HS6ST3: variants seen among roughly 807,000 people sequenced by gnomAD.
The protein encoded by HS6ST3 is heparan-sulfate 6-O-sulfotransferase 3.
In HS6ST3, 12 loss-of-function variants were observed where a neutral mutation model predicts 36.7. The ratio of observed to expected loss-of-function variants is 0.33; its 90% CI spans 0.21 to 0.53. HS6ST3 has a LOEUF of 0.53. HS6ST3 is among the 20% of genes least tolerant of loss of function. The pLI is 0.95. For synonymous variants in HS6ST3, 240 were observed against 257.5 expected (o/e 0.93, Z 0.65); for missense variants, 584 against 640.9 (o/e 0.91, Z 0.96).
intron 1 of HS6ST3, among the ~76,000 whole-genome samples, chr13:96,623,187 A>G (rs896657167): frequency 2.0e-5 from 3 of 152,154 alleles, no homozygotes; most frequent in African/African-American, 4.8e-5. Flanking sequence ...GGTGGAAGGC[A>G]GGAATCCCAG....
At chr13:96,116,708 G>A (rs1449539202) in intron 1 of HS6ST3, among the ~76,000 whole-genome samples, 5 of 152,210 alleles carry the variant, frequency 3.3e-5, no homozygotes, top group African/African-American at 9.6e-5. Flanking sequence ...ATAAATTGCA[G>A]TAAATTTCCA....
intron 1 of HS6ST3, among the ~76,000 whole-genome samples, chr13:96,203,822 C>T (rs2054355485): frequency 1.3e-5 from 2 of 152,090 alleles, no homozygotes; most frequent in South Asian, 4.2e-4. Context: ...AAGGAAATAC[C>T]ATTCCGAATT....
At chr13:96,132,959 T>C (rs1300170942) in intron 1 of HS6ST3, among the ~76,000 whole-genome samples, 1 of 152,176 alleles carries the variant, frequency 6.6e-6, no homozygotes, top group Non-Finnish European at 1.5e-5. Context: ...TTTGCCCATT[T>C]TTTTTTAATC....
At chr13:96,312,758 C>T (rs1401277799) in intron 1 of HS6ST3, among the ~76,000 whole-genome samples, 1 of 151,848 alleles carries the variant, frequency 6.6e-6, no homozygotes, top group East Asian at 1.9e-4. Context: ...TGCAGACCAG[C>T]CTGGCCAACG....
intron 1 of HS6ST3, among the ~76,000 whole-genome samples, chr13:96,115,310 G>A (rs185486122): frequency 1.1e-4 from 16 of 152,250 alleles, no homozygotes; most frequent in African/African-American, 2.9e-4. Context: ...CGGGATACAC[G>A]TACAGAATGT....
At chr13:96,572,617 T>A (rs1415413265) in intron 1 of HS6ST3, among the ~76,000 whole-genome samples, 4 of 152,066 alleles carry the variant, frequency 2.6e-5, no homozygotes, top group Non-Finnish European at 5.9e-5. Context: ...TTTTTTTTTT[T>A]TGCCAATTCA....
At chr13:96,729,538 C>T (rs889598283) in intron 1 of HS6ST3, among the ~76,000 whole-genome samples, 2 of 152,118 alleles carry the variant, frequency 1.3e-5, no homozygotes, top group African/African-American at 4.8e-5. Flanking sequence ...CTCACTGCAG[C>T]CTCTGCCTCC....
In HS6ST3 at chr13:96,401,529, A is replaced by G. The variant is rs538213226; in HGVS notation, c.707+309960A>G. On this transcript the variant is annotated intron_variant, in intron 1 of 1. Transcript: ENST00000376705. ...GTTTCTTATAGTTTTATTTGTTACA[A>G]TTGTCACAAGTATAATATTCATGAA... Among the ~76,000 whole-genome samples, 47 of 152,312 alleles carry G rather than the reference A, an allele frequency of 3.1e-4. No individual in the cohort carries two copies. In the East Asian group the frequency reaches 8.3e-3, roughly 27 times the overall value.
intron 1 of HS6ST3, among the ~76,000 whole-genome samples, chr13:96,280,041 G>T (rs2054767778): frequency 6.6e-6 from 1 of 152,146 alleles, no homozygotes; most frequent in Non-Finnish European, 1.5e-5. Flanking sequence ...TTCTGGGTTT[G>T]TCAGCCCTTT....
At chr13:96,525,545 T>C (rs1275896034) in intron 1 of HS6ST3, among the ~76,000 whole-genome samples, 1 of 150,840 alleles carries the variant, frequency 6.6e-6, no homozygotes, top group Non-Finnish European at 1.5e-5. Flanking sequence ...GTTTTAGTGT[T>C]ACACACACAC....
chr13:96,379,144 C>G (rs1447964479), intron 1 of HS6ST3, among the ~76,000 whole-genome samples: 1 of 152,188 alleles, frequency 6.6e-6, no homozygotes, highest in East Asian at 1.9e-4. Flanking sequence ...GCAACAGACT[C>G]TTTCACTTGG....
intron 1 of HS6ST3, among the ~76,000 whole-genome samples, chr13:96,515,070 C>T (rs1469142527): frequency 6.6e-6 from 1 of 152,160 alleles, no homozygotes; most frequent in Non-Finnish European, 1.5e-5. Context: ...CTATGTGCAC[C>T]TTTGCCTGGA....
At chr13:96,352,906 CAGAG>C (rs1256376261) in intron 1 of HS6ST3, among the ~76,000 whole-genome samples, 4 of 152,092 alleles carry the variant, frequency 2.6e-5, no homozygotes, top group Non-Finnish European at 5.9e-5. Context: ...ATTGGGGACA[CAGAG>C]AGATTTAAAT....
intron 1 of HS6ST3, among the ~76,000 whole-genome samples, chr13:96,695,459 G>T (rs1022859048): frequency 2.0e-5 from 3 of 151,930 alleles, no homozygotes; most frequent in African/African-American, 4.8e-5. Context: ...TTTTTGTCTC[G>T]CTGTTTCTCC....
At chr13:96,350,722 T>C (rs988209611) in intron 1 of HS6ST3, among the ~76,000 whole-genome samples, 5 of 152,344 alleles carry the variant, frequency 3.3e-5, no homozygotes, top group South Asian at 2.1e-4. Context: ...AATAACGAAA[T>C]TGAAAATCCT....
At chr13:96,545,035 C>T (rs1272922056) in intron 1 of HS6ST3, among the ~76,000 whole-genome samples, 5 of 152,134 alleles carry the variant, frequency 3.3e-5, no homozygotes, top group African/African-American at 4.8e-5. Context: ...ATAGAAAATG[C>T]GCTCCTTGCC....
intron 1 of HS6ST3, among the ~76,000 whole-genome samples, chr13:96,471,831 T>A (rs1365931281): frequency 6.6e-6 from 1 of 152,210 alleles, no homozygotes; most frequent in Non-Finnish European, 1.5e-5. Context: ...TAAGGCAGAA[T>A]AAGAAACAAT....
chr13:96,285,885 C>G (rs1374303087), intron 1 of HS6ST3, among the ~76,000 whole-genome samples: 1 of 151,382 alleles, frequency 6.6e-6, no homozygotes, highest in African/African-American at 2.4e-5. Flanking sequence ...CTTTTCCTCT[C>G]TCTCTCCCTC....
chr13:96,668,805 T>C (rs775269675), intron 1 of HS6ST3, among the ~76,000 whole-genome samples: 3 of 146,866 alleles, frequency 2.0e-5, no homozygotes, highest in Non-Finnish European at 3.0e-5. Context: ...ACAGTTTTTC[T>C]ATAAAGATAG....
Sources: allele counts gnomAD v4.1 joint callset (sites outside exome capture counted in the v4.1 genomes callset), GRCh38; gene constraint gnomAD v4.1.1; transcripts MANE v1.5; gene names NCBI Gene and HGNC (gene_info 2026-07-23, HGNC 2026-07-21).